Variants in HDAC9 observed in about 807,000 individuals in gnomAD.
HDAC9 encodes histone deacetylase 9, also known as MEF-2 interacting transcription repressor (MITR) protein.
A neutral mutation model predicts 139.4 loss-of-function variants in HDAC9; 41 were observed. That is an observed-to-expected ratio of 0.29 (90% CI 0.23 to 0.38). The LOEUF (loss-of-function observed/expected upper bound fraction) is 0.38, where lower values mean the gene tolerates loss of function less well. Among genes scored for constraint, HDAC9 ranks in the 10% least tolerant of loss-of-function variants. The pLI, the probability that HDAC9 is intolerant of heterozygous loss-of-function variation, is 1.00. For missense variants in HDAC9, 1,147 were observed against 1,297.0 expected, an observed-to-expected ratio of 0.88 and a Z score of 1.78; for synonymous variants, 517 against 476.2, an observed-to-expected ratio of 1.09 and a Z score of -1.12.
intron 12 of HDAC9, among the ~76,000 whole-genome samples, chr7:18,723,617 A>G (rs1406881808): frequency 6.6e-6 from 1 of 152,160 alleles, no homozygotes; most frequent in African/African-American, 2.4e-5. Context: ...GAAATTTTAT[A>G]CTATGATGTA....
At chr7:18,267,672 C>T (rs1437780437) in intron 2 of HDAC9, among the ~76,000 whole-genome samples, 1 of 152,100 alleles carries the variant, frequency 6.6e-6, no homozygotes, top group East Asian at 1.9e-4. Flanking sequence ...ATGTATACAT[C>T]ACATTTTCTT....
chr7:18,743,724 TAAAAAATAAATTA>T (rs1787668056), intron 13 of HDAC9, among the ~76,000 whole-genome samples: 1 of 150,878 alleles, frequency 6.6e-6, no homozygotes, highest in South Asian at 2.1e-4. Context: ...ATTAAACAAT[TAAAAAATAAATTA>T]AAAAAATAAG....
chr7:18,996,501 C>A lies in HDAC9; in HGVS notation c.*439C>A. On this transcript the variant is annotated 3_prime_UTR_variant, in exon 26 of 26. Coordinates refer to ENST00000686413, the MANE Select transcript of HDAC9 (RefSeq NM_178425.4). Reference sequence around the variant, plus strand: ...TTTTTGGGGTAATTTGTTTTTCAAACAGTCTTAACTTGTTTACAAGATTTG... The same window carrying A: ...TTTTTGGGGTAATTTGTTTTTCAAAAAGTCTTAACTTGTTTACAAGATTTG... The A allele has an allele frequency of 6.1e-6, 1 of 162,808 alleles. No homozygotes were observed. The highest frequency in any genetic ancestry group is 1.3e-5 in the Non-Finnish European group (1 of 74,320). 10.1% of individuals were successfully genotyped at this position (162,808 alleles called of 1,614,324 possible). A position where few individuals can be genotyped will look rare whatever the true frequency, so the allele number is the denominator to read the frequency against.
At chr7:18,781,117 C>T (rs2129170847) in intron 16 of HDAC9, among the ~76,000 whole-genome samples, 1 of 152,122 alleles carries the variant, frequency 6.6e-6, no homozygotes, top group South Asian at 2.1e-4. Flanking sequence ...ATGCGCATCC[C>T]TGCTGTCTCT....
At chr7:18,176,473 G>A (rs762909302) in intron 2 of HDAC9, among the ~76,000 whole-genome samples, 1 of 152,148 alleles carries the variant, frequency 6.6e-6, no homozygotes, top group Non-Finnish European at 1.5e-5. Flanking sequence ...TGTTACTATT[G>A]TTTAGGGTAT....
At position 18,208,573 on chromosome 7, in the gene HDAC9, G is replaced by C. The variant is rs956568454; in HGVS notation, c.25+46224G>C. 2.0e-5 allele frequency among the ~76,000 whole-genome samples: 3 copies of C among 151,752 alleles called. No individual in the cohort carries two copies. In the East Asian group the frequency reaches 5.8e-4, roughly 30 times the overall value. Reference sequence around the variant, plus strand: ...ATATTTTTTGTAGAGACTGGCTTTCGCCATGTTGGCCAGGCTGGTCTCCAA... The same window carrying C: ...ATATTTTTTGTAGAGACTGGCTTTCCCCATGTTGGCCAGGCTGGTCTCCAA... On this transcript the variant is annotated intron_variant, in intron 2 of 12. Transcript: ENST00000417496.
intron 16 of HDAC9, among the ~76,000 whole-genome samples, chr7:18,789,321 C>T (rs1441577000): frequency 6.6e-6 from 1 of 151,666 alleles, no homozygotes; most frequent in African/African-American, 2.4e-5. Flanking sequence ...GTCTCTCTCT[C>T]TCTCTCTTTC....
chr7:18,777,448 A>G (rs1374986248), intron 16 of HDAC9, among the ~76,000 whole-genome samples: 2 of 151,798 alleles, frequency 1.3e-5, no homozygotes, highest in African/African-American at 2.4e-5. Context: ...GAACTGTGAG[A>G]TTTGGGGTAA....
intron 19 of HDAC9, among the ~76,000 whole-genome samples, chr7:18,833,778 G>A (rs1044491419): frequency 1.3e-5 from 2 of 152,100 alleles, no homozygotes; most frequent in African/African-American, 4.8e-5. Context: ...TTCAAAAAGG[G>A]AAAAGGATTA....
At chr7:18,264,405 A>G (rs572329529) in intron 2 of HDAC9, among the ~76,000 whole-genome samples, 3 of 152,348 alleles carry the variant, frequency 2.0e-5, no homozygotes, top group Admixed American at 2.0e-4. Context: ...ATTAAACAAT[A>G]TACTCCCAAA....
intron 2 of HDAC9, among the ~76,000 whole-genome samples, chr7:18,259,695 T>G (rs1291315549): frequency 6.6e-6 from 1 of 152,180 alleles, no homozygotes; most frequent in Non-Finnish European, 1.5e-5. Context: ...AAGTGTTGTG[T>G]GAGGATTCAT....
chr7:18,641,948 A>G (rs982540947), intron 8 of HDAC9, among the ~76,000 whole-genome samples: 2 of 152,102 alleles, frequency 1.3e-5, no homozygotes, highest in African/African-American at 4.8e-5. Flanking sequence ...CAAAAAGCAT[A>G]GTTGAGGAAA....
intron 23 of HDAC9, chr7:18,949,487 A>C (rs1782638982): frequency 4.6e-6 from 1 of 218,028 alleles, no homozygotes; most frequent in Non-Finnish European, 9.7e-6. Flanking sequence ...GGTATTTCAA[A>C]GCCCACAAAG....
At chr7:18,157,333 A>G (rs897735075) in intron 1 of HDAC9, among the ~76,000 whole-genome samples, 7 of 152,108 alleles carry the variant, frequency 4.6e-5, no homozygotes, top group Non-Finnish European at 8.8e-5. Flanking sequence ...GCCTGAAACC[A>G]TAGGGGTTAT....
intron 1 of HDAC9, among the ~76,000 whole-genome samples, chr7:18,487,461 T>G (rs1308878860): frequency 6.6e-6 from 1 of 151,990 alleles, no homozygotes; most frequent in Non-Finnish European, 1.5e-5. Flanking sequence ...TGTCAAAACT[T>G]GAATGGCCTT....
At chr7:18,572,013 T>C (rs1230391818) in intron 2 of HDAC9, among the ~76,000 whole-genome samples, 2 of 152,046 alleles carry the variant, frequency 1.3e-5, no homozygotes, top group African/African-American at 4.8e-5. Flanking sequence ...GATGTACTTT[T>C]TGTAAGCAAG....
intron 1 of HDAC9, among the ~76,000 whole-genome samples, chr7:18,322,482 G>T (rs376492043): frequency 6.6e-6 from 1 of 152,112 alleles, no homozygotes; most frequent in East Asian, 1.9e-4. Flanking sequence ...AACTTTCAAG[G>T]CTTACTTAAT....
chr7:18,643,496 G>T (rs1370666400), intron 8 of HDAC9, among the ~76,000 whole-genome samples: 1 of 152,032 alleles, frequency 6.6e-6, no homozygotes, highest in Non-Finnish European at 1.5e-5. Context: ...TTAAGACTAA[G>T]ACTCATCTCC....
chr7:18,822,347 T>TTTGTTGTTG (rs3085431), intron 17 of HDAC9, among the ~76,000 whole-genome samples: 7 of 149,984 alleles, frequency 4.7e-5, no homozygotes, highest in African/African-American at 1.2e-4. Context: ...TGTTTGTTTG[T>TTTGTTGTTG]TTGTTGTTGT....
Sources: gnomAD v4.1 joint callset for allele counts (sites outside exome capture counted in the v4.1 genomes callset) on GRCh38, gnomAD v4.1.1 for gene constraint, MANE v1.5 for transcripts, NCBI Gene and HGNC (gene_info 2026-07-23, HGNC 2026-07-21) for gene names.